GALNT13: variants seen among roughly 807,000 people sequenced by gnomAD.
GALNT13 encodes UDP-GalNAc:polypeptide N-acetylgalactosaminyltransferase 13.
Under a neutral mutation model 64.2 loss-of-function variants are expected in GALNT13, and 28 were observed. The observed-to-expected ratio is 0.44, with a 90% CI of 0.32 to 0.60. The LOEUF (loss-of-function observed/expected upper bound fraction) is 0.60, where lower values mean the gene tolerates loss of function less well. Ranked by LOEUF, GALNT13 falls within the 20% of genes least tolerant of loss-of-function variation. GALNT13 has a pLI of 0.05. For synonymous variants in GALNT13, 214 were observed against 224.6 expected (o/e 0.95, Z 0.42); for missense variants, 577 against 669.8 (o/e 0.86, Z 1.53).
At chr2:153,832,495 TC>T in the GALNT13 span, among the ~76,000 whole-genome samples, 1 of 152,166 alleles carries the variant, frequency 6.6e-6, no homozygotes, top group Non-Finnish European at 1.5e-5. Flanking sequence ...CCACTACTAA[TC>T]CGGGGAGTGT....
chr2:153,118,604 G>A, the GALNT13 span, among the ~76,000 whole-genome samples: 6 of 152,078 alleles, frequency 3.9e-5, no homozygotes, highest in African/African-American at 1.4e-4. Flanking sequence ...TAGCTGTAGG[G>A]TCAAGGAGAG....
the GALNT13 span, among the ~76,000 whole-genome samples, chr2:153,554,657 T>C: frequency 2.1e-5 from 2 of 94,990 alleles, no homozygotes; most frequent in African/African-American, 8.5e-5. Context: ...ATGCTGTATA[T>C]GTGTGTGTGT....
At chr2:154,438,155 G>A (rs895695758) in intron 11 of GALNT13, among the ~76,000 whole-genome samples, 1 of 152,084 alleles carries the variant, frequency 6.6e-6, no homozygotes, top group Non-Finnish European at 1.5e-5. Flanking sequence ...ATGTACTTAT[G>A]TTATCAGAAG....
chr2:153,502,857 C>T, the GALNT13 span, among the ~76,000 whole-genome samples: 1 of 152,044 alleles, frequency 6.6e-6, no homozygotes, highest in Admixed American at 6.6e-5. Flanking sequence ...AGCATTTTTT[C>T]ATGTTTTTTG....
At chr2:153,420,337 T>C in the GALNT13 span, among the ~76,000 whole-genome samples, 1 of 152,208 alleles carries the variant, frequency 6.6e-6, no homozygotes, top group Non-Finnish European at 1.5e-5. Flanking sequence ...TAAAGCATTT[T>C]CATTTTTTAA....
At chr2:154,099,594 T>C (rs1157350738) in intron 3 of GALNT13, among the ~76,000 whole-genome samples, 6 of 152,080 alleles carry the variant, frequency 3.9e-5, no homozygotes, top group Admixed American at 1.3e-4. Flanking sequence ...TTTTTGTGTA[T>C]GGTGAGTAAC....
At chr2:153,675,724 T>C in the GALNT13 span, among the ~76,000 whole-genome samples, 1 of 152,170 alleles carries the variant, frequency 6.6e-6, no homozygotes, top group East Asian at 1.9e-4. Flanking sequence ...CTCAAAACTT[T>C]AAAATTACGT....
At position 153,905,922 on chromosome 2, in the gene GALNT13, T is replaced by C. The variant is rs184364226; in HGVS notation, c.-105+4915T>C. On this transcript the variant is annotated intron_variant, in intron 2 of 12. Coordinates refer to ENST00000392825, the MANE Select transcript of GALNT13 (RefSeq NM_052917.4). ...AACCGATATGGCTACTAAGTGGCTA[T>C]TGGGTGGGTTGTGAATGTAGCATGA... Among the ~76,000 whole-genome samples, 680 of 152,004 alleles carry C rather than the reference T, an allele frequency of 4.5e-3. 4 individuals carry two copies. Among genetic ancestry groups the C allele is most frequent in the African/African-American group, 0.016 (647 of 41,508 alleles).
the GALNT13 span, among the ~76,000 whole-genome samples, chr2:153,744,956 G>C: frequency 2.6e-5 from 4 of 152,146 alleles, no homozygotes; most frequent in Admixed American, 6.6e-5. Flanking sequence ...TGAGTGACAA[G>C]TGAGTACCCT....
chr2:154,307,657 G>A (rs1013377754), intron 9 of GALNT13, among the ~76,000 whole-genome samples: 1 of 151,632 alleles, frequency 6.6e-6, no homozygotes, highest in Non-Finnish European at 1.5e-5. Context: ...GTCTTCTTAA[G>A]GATGCAAATA....
chr2:154,063,919 C>A (rs12693910), intron 3 of GALNT13, among the ~76,000 whole-genome samples: 85,873 of 151,948 alleles, frequency 0.57, 26,101 homozygotes, highest in Middle Eastern at 0.7. Context: ...TAAGAACCAC[C>A]AGTCAGGTAA....
At chr2:153,349,570 G>A in the GALNT13 span, among the ~76,000 whole-genome samples, 2 of 152,134 alleles carry the variant, frequency 1.3e-5, no homozygotes, top group African/African-American at 2.4e-5. Flanking sequence ...AGATGGTGGC[G>A]GAGTCCCAGG....
chr2:154,379,783 C>T (rs974045518), intron 9 of GALNT13, among the ~76,000 whole-genome samples: 2 of 151,922 alleles, frequency 1.3e-5, no homozygotes, highest in Non-Finnish European at 2.9e-5. Context: ...ACTCTTAACT[C>T]AGTAAATACT....
the GALNT13 span, among the ~76,000 whole-genome samples, chr2:153,453,009 A>C: frequency 6.6e-6 from 1 of 152,054 alleles, no homozygotes; most frequent in Non-Finnish European, 1.5e-5. Flanking sequence ...CGAAGTTAAT[A>C]AGTGGAAAAA....
At chr2:153,995,893 T>C (rs1490320615) in intron 3 of GALNT13, among the ~76,000 whole-genome samples, 1 of 152,190 alleles carries the variant, frequency 6.6e-6, no homozygotes, top group Non-Finnish European at 1.5e-5. Context: ...GATCAACTTT[T>C]AGAAATTTCA....
the GALNT13 span, among the ~76,000 whole-genome samples, chr2:153,178,010 A>G: frequency 0.025 from 3,769 of 152,250 alleles, 161 homozygotes; most frequent in African/African-American, 0.086. Context: ...ATGTTTCCCA[A>G]TTCCATCCAT....
chr2:153,819,551 G>A, the GALNT13 span, among the ~76,000 whole-genome samples: 1 of 152,182 alleles, frequency 6.6e-6, no homozygotes, highest in Non-Finnish European at 1.5e-5. Context: ...CAAGTCAGGG[G>A]CTCAGCTCTG....
chr2:153,780,234 T>TGC, the GALNT13 span, among the ~76,000 whole-genome samples: 4 of 10,568 alleles, frequency 3.8e-4, no homozygotes, highest in Non-Finnish European at 2.4e-3. Flanking sequence ...TATATATATA[T>TGC]ATATATATAT....
At chr2:153,465,094 A>G in the GALNT13 span, among the ~76,000 whole-genome samples, 1 of 152,152 alleles carries the variant, frequency 6.6e-6, no homozygotes, top group South Asian at 2.1e-4. Flanking sequence ...AGGATCAATC[A>G]GCATTCAGAA....
Sources: allele counts gnomAD v4.1 joint callset (sites outside exome capture counted in the v4.1 genomes callset), GRCh38; gene constraint gnomAD v4.1.1; transcripts MANE v1.5; gene names NCBI Gene and HGNC (gene_info 2026-07-23, HGNC 2026-07-21).